The following EMC2 variants were observed in gnomAD, a reference collection of about 807,000 sequenced individuals.
EMC2 encodes the protein TPR repeat protein 35.
EMC2 carries 37 observed loss-of-function variants against 51.6 expected under a neutral mutation model. The ratio of observed to expected loss-of-function variants is 0.72; its 90% CI spans 0.55 to 0.94. The LOEUF (loss-of-function observed/expected upper bound fraction) is 0.94, where lower values mean the gene tolerates loss of function less well. Ranked by LOEUF, EMC2 falls within the 40% of genes least tolerant of loss-of-function variation. EMC2 has a pLI of 0.00. For synonymous variants in EMC2, 131 were observed against 112.4 expected, an observed-to-expected ratio of 1.17 and a Z score of -1.04; for missense variants, 359 against 350.9, an observed-to-expected ratio of 1.02 and a Z score of -0.18.
chr8:108,479,474 AAAG>A (rs1478178367), intron 10 of EMC2, among the ~76,000 whole-genome samples: 1 of 152,140 alleles, frequency 6.6e-6, no homozygotes, highest in African/African-American at 2.4e-5. Context: ...AAGAAATAGA[AAAG>A]AAGGAAGAAA....
intron 1 of EMC2, 40 bp downstream of exon 1, chr8:108,443,738 G>T (rs1233098314): frequency 9.5e-6 from 15 of 1,574,954 alleles, no homozygotes; most frequent in East Asian, 2.3e-5. Context: ...GACTAAAAGC[G>T]CTGGGAAGCC....
chr8:108,446,383 A>T (rs1275925707), intron 1 of EMC2: 1 of 341,324 alleles, frequency 2.9e-6, no homozygotes, highest in East Asian at 8.0e-5. Flanking sequence ...TTACAGATTG[A>T]ATTTGGGTTG....
Position 108,486,591 on chromosome 8 carries a change from A to T in EMC2, c.887A>T (p.Gln296Leu). 1 of 1,598,620 alleles carries T rather than the reference A, an allele frequency of 6.3e-7. No individual in the cohort carries two copies. Among genetic ancestry groups the T allele is most frequent in the Non-Finnish European group, 8.5e-7 (1 of 1,174,296 alleles). Residue 296 changes from glutamine (Q) to leucine (L), a missense_variant, in exon 11 of 11, where the codon CAG (glutamine) becomes CTG (leucine). Gln to Leu is a moderately radical substitution (Grantham distance 113). Coordinates refer to ENST00000220853, the MANE Select transcript of EMC2 (RefSeq NM_014673.5). ...ATGTTGGAAACATTGCAGATCACCC[A>T]GTCTTAAGGTTTCAAAAACTCTTTG... ...EDMLETLQIT[Q>L]S
intron 1 of EMC2, 133 bp from the exon 2 acceptor site, chr8:108,449,690 C>T: frequency 1.9e-6 from 1 of 530,102 alleles, no homozygotes; most frequent in Non-Finnish European, 3.4e-6. Flanking sequence ...ATACCACAGA[C>T]TTCTACATGA....
chr8:108,456,032 T>A (rs1471147175), intron 5 of EMC2, 102 bp downstream of exon 5: 2 of 363,720 alleles, frequency 5.5e-6, no homozygotes, highest in Non-Finnish European at 1.0e-5. Flanking sequence ...CTTATATTTT[T>A]AATTTTTAAT....
At chr8:108,454,971 G>A (rs1361262657) in intron 4 of EMC2, among the ~76,000 whole-genome samples, 1 of 151,736 alleles carries the variant, frequency 6.6e-6, no homozygotes, top group African/African-American at 2.4e-5. Context: ...TAAGTAATGT[G>A]TTTTTTTCTT....
At chr8:108,486,411 A>C (rs1811138343) in intron 10 of EMC2, 101 bp from the exon 11 acceptor site, 1 of 1,371,256 alleles carries the variant, frequency 7.3e-7, no homozygotes, top group East Asian at 2.6e-5. Flanking sequence ...CTAGTGATAA[A>C]ATAGTCAATG....
intron 5 of EMC2, among the ~76,000 whole-genome samples, chr8:108,460,814 G>A (rs555592144): frequency 6.6e-6 from 1 of 152,312 alleles, no homozygotes; most frequent in South Asian, 2.1e-4. Context: ...CGAGAGCAAA[G>A]CGACTTAATT....
At chr8:108,463,284 T>C (rs1044018077) in intron 5 of EMC2, among the ~76,000 whole-genome samples, 2 of 152,230 alleles carry the variant, frequency 1.3e-5, no homozygotes, top group African/African-American at 4.8e-5. Flanking sequence ...AGGCTGTTCT[T>C]AGGCTAGAGA....
chr8:108,446,700 A>T (rs1477883611), intron 1 of EMC2, among the ~76,000 whole-genome samples: 1 of 152,212 alleles, frequency 6.6e-6, no homozygotes, highest in Non-Finnish European at 1.5e-5. Flanking sequence ...ATTTTGAGGT[A>T]ATGAGCTATC....
chr8:108,459,556 T>G (rs1198393898), intron 5 of EMC2, among the ~76,000 whole-genome samples: 2 of 152,106 alleles, frequency 1.3e-5, no homozygotes, highest in East Asian at 3.9e-4. Flanking sequence ...TCAGATCTTG[T>G]GAGACTCATT....
At chr8:108,463,287 G>A (rs17427792) in intron 5 of EMC2, among the ~76,000 whole-genome samples, 3,330 of 152,278 alleles carry the variant, frequency 0.022, 51 homozygotes, top group South Asian at 0.046. Flanking sequence ...CTGTTCTTAG[G>A]CTAGAGATTA....
At chr8:108,447,088 A>G (rs1056129525) in intron 1 of EMC2, among the ~76,000 whole-genome samples, 6 of 152,200 alleles carry the variant, frequency 3.9e-5, no homozygotes, top group South Asian at 2.1e-4. Context: ...CTCATACTCA[A>G]TTAAGTATAC....
At chr8:108,457,321 CGTGTGTGTGCGTGT>C (rs1239406721) in intron 5 of EMC2, among the ~76,000 whole-genome samples, 1 of 109,916 alleles carries the variant, frequency 9.1e-6, no homozygotes, top group Non-Finnish European at 1.8e-5. Flanking sequence ...TAGGGATGTG[CGTGTGTGTGCGTGT>C]GTGTGTGTGT....
At chr8:108,458,486 G>A (rs1432657357) in intron 5 of EMC2, among the ~76,000 whole-genome samples, 1 of 152,160 alleles carries the variant, frequency 6.6e-6, no homozygotes, top group Admixed American at 6.5e-5. Flanking sequence ...CTAGACAGGG[G>A]TTCCTAAACC....
At chr8:108,449,548 T>A (rs1158486687) in intron 1 of EMC2, among the ~76,000 whole-genome samples, 2 of 152,136 alleles carry the variant, frequency 1.3e-5, no homozygotes, top group African/African-American at 4.8e-5. Context: ...CTGGCATTAC[T>A]GATGTAAGCC....
At chr8:108,484,227 G>A (rs1372933182) in intron 10 of EMC2, among the ~76,000 whole-genome samples, 4 of 151,982 alleles carry the variant, frequency 2.6e-5, no homozygotes, top group Non-Finnish European at 4.4e-5. Flanking sequence ...CAGTGATTCT[G>A]TTACTATCCT....
At chr8:108,479,586 G>C (rs539009921) in intron 10 of EMC2, among the ~76,000 whole-genome samples, 1 of 152,194 alleles carries the variant, frequency 6.6e-6, no homozygotes, top group South Asian at 2.1e-4. Context: ...GTTTTCTAAA[G>C]TTCGTCCTTA....
chr8:108,449,020 C>A (rs1473402932), intron 1 of EMC2, among the ~76,000 whole-genome samples: 1 of 152,176 alleles, frequency 6.6e-6, no homozygotes, highest in Non-Finnish European at 1.5e-5. Context: ...TTCTTATACA[C>A]TCATTTCCTG....
Sources: allele counts gnomAD v4.1 joint callset (sites outside exome capture counted in the v4.1 genomes callset), GRCh38; gene constraint gnomAD v4.1.1; transcripts MANE v1.5; gene names NCBI Gene and HGNC (gene_info 2026-07-23, HGNC 2026-07-21).